The following MGMT variants were observed in gnomAD, a reference collection of about 807,000 sequenced individuals.
MGMT encodes the protein O-6-methylguanine-DNA methyltransferase.
Under a neutral mutation model 15.9 loss-of-function variants are expected in MGMT, and 14 were observed. The observed-to-expected ratio is 0.88, with a 90% CI of 0.58 to 1.37. MGMT has a LOEUF of 1.37. MGMT is among the 40% of genes most tolerant of loss of function. MGMT has a pLI of 0.00. For missense variants in MGMT, 282 were observed against 268.1 expected, an observed-to-expected ratio of 1.05 and a Z score of -0.36; for synonymous variants, 130 against 118.2, an observed-to-expected ratio of 1.10 and a Z score of -0.65.
intron 2 of MGMT, among the ~76,000 whole-genome samples, chr10:129,691,347 G>T (rs1177079791): frequency 6.6e-6 from 1 of 152,246 alleles, no homozygotes; most frequent in Non-Finnish European, 1.5e-5. Context: ...GTGGAAGCAA[G>T]AAGAGGAGCT....
chr10:129,741,343 G>C (rs949677268), intron 3 of MGMT, among the ~76,000 whole-genome samples: 1 of 152,194 alleles, frequency 6.6e-6, no homozygotes, highest in Non-Finnish European at 1.5e-5. Context: ...ACATTGAACG[G>C]CAACACCCGG....
chr10:129,742,363 A>G (rs1364521168), intron 3 of MGMT, among the ~76,000 whole-genome samples: 2 of 152,252 alleles, frequency 1.3e-5, no homozygotes, highest in Admixed American at 1.3e-4. Flanking sequence ...TGGAAGGAGC[A>G]CTGGGATGGA....
At chr10:129,700,449 C>T (rs550643438) in intron 2 of MGMT, 1 of 152,290 alleles carries the variant, frequency 6.6e-6, no homozygotes, top group African/African-American at 2.4e-5. Flanking sequence ...TTCGCAGCCT[C>T]CTCGGGGCCT....
chr10:129,591,305 C>G (rs1158264669), intron 2 of MGMT, among the ~76,000 whole-genome samples: 1 of 152,222 alleles, frequency 6.6e-6, no homozygotes, highest in Non-Finnish European at 1.5e-5. Flanking sequence ...AATAGCCTGA[C>G]AGCAGAGCGA....
chr10:129,573,351 A>G (rs1846441671), intron 2 of MGMT, among the ~76,000 whole-genome samples: 1 of 152,190 alleles, frequency 6.6e-6, no homozygotes, highest in Admixed American at 6.5e-5. Flanking sequence ...CAGATCCTTC[A>G]CCCAGGATCT....
At chr10:129,577,136 A>G (rs373619099) in intron 2 of MGMT, among the ~76,000 whole-genome samples, 2 of 152,322 alleles carry the variant, frequency 1.3e-5, no homozygotes, top group East Asian at 1.9e-4. Context: ...ATTCAATGCC[A>G]TCCCCATCAA....
intron 2 of MGMT, among the ~76,000 whole-genome samples, chr10:129,646,971 C>A (rs953697810): frequency 6.6e-6 from 1 of 151,488 alleles, no homozygotes; most frequent in Non-Finnish European, 1.5e-5. Flanking sequence ...ACCTGGGAGT[C>A]TGTGATTAGA....
At chr10:129,712,690 T>C (rs1396403524) in intron 3 of MGMT, among the ~76,000 whole-genome samples, 1 of 152,148 alleles carries the variant, frequency 6.6e-6, no homozygotes, top group African/African-American at 2.4e-5. Context: ...GGAAGGGGCA[T>C]GTCCCGGGAG....
chr10:129,720,022 C>T (rs12253019), intron 3 of MGMT, among the ~76,000 whole-genome samples: 18 of 152,322 alleles, frequency 1.2e-4, no homozygotes, highest in Non-Finnish European at 1.5e-5. Flanking sequence ...TTAGGAAGTG[C>T]TGCTCTTTGC....
chr10:129,698,391 C>T (rs539563968), intron 2 of MGMT, among the ~76,000 whole-genome samples: 79 of 152,324 alleles, frequency 5.2e-4, no homozygotes, highest in African/African-American at 1.8e-3. Flanking sequence ...TTTAATAATG[C>T]ACAGTTGCCT....
intron 1 of MGMT, among the ~76,000 whole-genome samples, chr10:129,528,682 G>C (rs1263474350): frequency 1.3e-5 from 2 of 151,184 alleles, no homozygotes; most frequent in Admixed American, 6.6e-5. Context: ...GCCGTGGAGA[G>C]CTGCGGTGGT....
chr10:129,518,325 G>GACACACACACACACACACACACACACAC (rs1293188269), intron 1 of MGMT, among the ~76,000 whole-genome samples: 1 of 88,072 alleles, frequency 1.1e-5, no homozygotes, highest in African/African-American at 4.5e-5. Context: ...TGTGTGTACA[G>GACACACACACACACACACACACACACAC]ATACACACAC....
chr10:129,680,950 A>G (rs778242819), intron 2 of MGMT, among the ~76,000 whole-genome samples: 7 of 152,216 alleles, frequency 4.6e-5, no homozygotes, highest in Non-Finnish European at 7.3e-5. Flanking sequence ...CCACCATGCA[A>G]TGCTGCTGGC....
intron 2 of MGMT, among the ~76,000 whole-genome samples, chr10:129,652,317 T>A (rs1390881888): frequency 6.6e-6 from 1 of 152,146 alleles, no homozygotes; most frequent in South Asian, 2.1e-4. Context: ...ACGCTGGAGT[T>A]CCAGTAGAGT....
intron 1 of MGMT, among the ~76,000 whole-genome samples, chr10:129,531,537 G>A (rs1439072946): frequency 6.6e-6 from 1 of 152,050 alleles, no homozygotes; most frequent in Non-Finnish European, 1.5e-5. Context: ...TGCTAGGTCA[G>A]CCCTGGGCAT....
At chr10:129,616,023 A>G (rs1308839852) in intron 2 of MGMT, among the ~76,000 whole-genome samples, 1 of 152,120 alleles carries the variant, frequency 6.6e-6, no homozygotes, top group South Asian at 2.1e-4. Flanking sequence ...CTCTGATCGT[A>G]TGTGTAGAAG....
intron 1 of MGMT, among the ~76,000 whole-genome samples, chr10:129,490,630 T>C (rs540209967): frequency 6.6e-6 from 1 of 152,304 alleles, no homozygotes; most frequent in South Asian, 2.1e-4. Context: ...TGTAAAGTAA[T>C]ATAGTTTTAA....
In MGMT at chr10:129,732,393, G is replaced by A. The variant is rs569603263; in HGVS notation, c.274+24350G>A. ...TTGTTCAGTTCCCACCTGTGAGTGAGAACATGCGGTGTTTGGTTTTCTGTC... is the reference window on the plus strand; with the variant it reads ...TTGTTCAGTTCCCACCTGTGAGTGAAAACATGCGGTGTTTGGTTTTCTGTC... On this transcript the variant is annotated intron_variant, in intron 3 of 4. Coordinates refer to ENST00000651593, the MANE Select transcript of MGMT (RefSeq NM_002412.5). 3.1e-3 allele frequency among the ~76,000 whole-genome samples: 462 copies of A among 148,840 alleles called. 2 individuals carry two copies. The highest frequency in any genetic ancestry group is 0.01 in the African/African-American group (418 of 40,438).
chr10:129,647,875 T>G (rs11016854), intron 2 of MGMT, among the ~76,000 whole-genome samples: 1 of 152,240 alleles, frequency 6.6e-6, no homozygotes, highest in Non-Finnish European at 1.5e-5. Flanking sequence ...GACAAAAATG[T>G]TCTTTTACAT....
Sources: gnomAD v4.1 joint callset for allele counts (sites outside exome capture counted in the v4.1 genomes callset) on GRCh38, gnomAD v4.1.1 for gene constraint, MANE v1.5 for transcripts, NCBI Gene and HGNC (gene_info 2026-07-23, HGNC 2026-07-21) for gene names.